The following RIMS1 variants were observed in gnomAD, a reference collection of about 807,000 sequenced individuals.
RIMS1 encodes regulating synaptic membrane exocytosis 1, also known as regulating synaptic membrane exocytosis protein 1.
Under a neutral mutation model 214.1 loss-of-function variants are expected in RIMS1, and 83 were observed. That is an observed-to-expected ratio of 0.39 (90% CI 0.32 to 0.47). The LOEUF is 0.47. Ranked by LOEUF, RIMS1 falls within the 20% of genes least tolerant of loss-of-function variation. RIMS1 has a pLI of 0.99. For missense variants in RIMS1, 2,050 were observed against 2,161.8 expected, an observed-to-expected ratio of 0.95 and a Z score of 1.03; for synonymous variants, 793 against 786.8, an observed-to-expected ratio of 1.01 and a Z score of -0.13.
chr6:71,937,359 C>G (rs762096470), intron 1 of RIMS1, among the ~76,000 whole-genome samples: 7 of 152,138 alleles, frequency 4.6e-5, no homozygotes, highest in Non-Finnish European at 8.8e-5. Context: ...CTCCCAGGCT[C>G]AAGCGATTCT....
At chr6:72,310,563 T>C (rs2095459723) in intron 27 of RIMS1, among the ~76,000 whole-genome samples, 2 of 152,082 alleles carry the variant, frequency 1.3e-5, no homozygotes, top group South Asian at 4.1e-4. Flanking sequence ...TGATGGGTTT[T>C]GTAGGTAGCT....
In RIMS1 at chr6:72,248,127, T is replaced by C. The variant is rs760492397; in HGVS notation, c.2241T>C (p.Ser747=). ...DAPQVLPGQL[S]VKLWYDKVGH... ...CACAAGTCTTACCAGGGCAACTTTCTGTATGTATTTTTTGTACATGTTGGA... is the reference window on the plus strand; with the variant it reads ...CACAAGTCTTACCAGGGCAACTTTCCGTATGTATTTTTTGTACATGTTGGA... The change falls in exon 12 of 34, where the codon TCT becomes TCC. Residue 747 remains serine, a splice_region_variant and synonymous_variant. Coordinates refer to ENST00000521978, the MANE Select transcript of RIMS1 (RefSeq NM_014989.7). The C allele has an allele frequency of 1.4e-5, 23 of 1,594,902 alleles. No individual in the cohort carries two copies. The Middle Eastern group carries it at 9.9e-4, about 69-fold the overall frequency.
chr6:72,000,102 A>C (rs1804682589), intron 2 of RIMS1, among the ~76,000 whole-genome samples: 1 of 152,094 alleles, frequency 6.6e-6, no homozygotes, highest in Non-Finnish European at 1.5e-5. Context: ...ATGAGGGAAA[A>C]AAAACAGTGT....
At chr6:72,016,352 T>C (rs1411297047) in intron 2 of RIMS1, among the ~76,000 whole-genome samples, 1 of 152,194 alleles carries the variant, frequency 6.6e-6, no homozygotes, top group Non-Finnish European at 1.5e-5. Flanking sequence ...ATTGTCTTCC[T>C]TCCATTTGCT....
intron 1 of RIMS1, among the ~76,000 whole-genome samples, chr6:71,948,769 A>C (rs1788605721): frequency 6.6e-6 from 1 of 152,192 alleles, no homozygotes; most frequent in African/African-American, 2.4e-5. Context: ...CTAGAGGAGA[A>C]GGCAGGAAAG....
chr6:72,380,251 G>A (rs932361418), intron 29 of RIMS1, among the ~76,000 whole-genome samples: 1 of 152,172 alleles, frequency 6.6e-6, no homozygotes, highest in African/African-American at 2.4e-5. Flanking sequence ...TTGTCGTGGG[G>A]TGGAAGGATG....
chr6:71,921,548 C>T (rs1347265356), intron 1 of RIMS1, among the ~76,000 whole-genome samples: 1 of 152,202 alleles, frequency 6.6e-6, no homozygotes, highest in Non-Finnish European at 1.5e-5. Context: ...TTGATTTGGC[C>T]TCTTGCACAA....
intron 1 of RIMS1, among the ~76,000 whole-genome samples, chr6:71,892,011 G>A (rs1770045226): frequency 6.6e-6 from 1 of 152,248 alleles, no homozygotes; most frequent in Middle Eastern, 3.4e-3. Context: ...GTCCTCATGG[G>A]CTGTTTTCTA....
chr6:72,214,336 G>A (rs546130132), intron 6 of RIMS1, among the ~76,000 whole-genome samples: 1 of 151,970 alleles, frequency 6.6e-6, no homozygotes, highest in African/African-American at 2.4e-5. Context: ...TCCAAACAGG[G>A]TTTGGTAAAA....
chr6:72,184,760 T>TG (rs35207389), intron 6 of RIMS1, among the ~76,000 whole-genome samples: 71,195 of 140,610 alleles, frequency 0.51, 17,939 homozygotes, highest in East Asian at 0.82. Flanking sequence ...TGCTTTATTC[T>TG]GGGAAAAAAA....
rs541455066 is a variant in RIMS1, at chr6:72,325,411, A to G, written c.4131-8189A>G. 1.3e-4 allele frequency among the ~76,000 whole-genome samples: 19 copies of G among 151,464 alleles called. No individual in the cohort carries two copies. In the East Asian group the frequency reaches 3.7e-3, roughly 29 times the overall value. ...GCTTAAAAACAATTACAGTCCATTTACATATATTCAATCCACTAAAAGAAC... is the reference window on the plus strand; with the variant it reads ...GCTTAAAAACAATTACAGTCCATTTGCATATATTCAATCCACTAAAAGAAC... On this transcript the variant is annotated intron_variant, in intron 28 of 33. Coordinates refer to ENST00000521978, the MANE Select transcript of RIMS1 (RefSeq NM_014989.7).
At chr6:71,982,638 G>A (rs542543382) in intron 2 of RIMS1, among the ~76,000 whole-genome samples, 2 of 152,218 alleles carry the variant, frequency 1.3e-5, no homozygotes, top group South Asian at 4.1e-4. Flanking sequence ...CTCCCTAAGT[G>A]TAATCAGTCA....
At chr6:72,246,617 A>G (rs942704096) in intron 11 of RIMS1, among the ~76,000 whole-genome samples, 1 of 152,160 alleles carries the variant, frequency 6.6e-6, no homozygotes, top group Admixed American at 6.6e-5. Flanking sequence ...TAGAAGGGAG[A>G]AGAAAATATG....
intron 2 of RIMS1, among the ~76,000 whole-genome samples, chr6:72,076,243 T>C (rs915870454): frequency 6.6e-6 from 1 of 152,238 alleles, no homozygotes; most frequent in African/African-American, 2.4e-5. Context: ...ATTTTACCGA[T>C]GAGGAAACTC....
intron 28 of RIMS1, among the ~76,000 whole-genome samples, chr6:72,322,096 A>G (rs1227100437): frequency 2.0e-5 from 3 of 152,196 alleles, no homozygotes; most frequent in Non-Finnish European, 1.5e-5. Context: ...TGCCAAAAAT[A>G]GTTGCTTACT....
intron 2 of RIMS1, among the ~76,000 whole-genome samples, chr6:71,974,857 G>T (rs1257733626): frequency 6.6e-6 from 1 of 152,074 alleles, no homozygotes; most frequent in Non-Finnish European, 1.5e-5. Context: ...ACTTAGAAAA[G>T]ATACATTAAT....
intron 29 of RIMS1, among the ~76,000 whole-genome samples, chr6:72,374,444 C>A (rs2098317044): frequency 6.6e-6 from 1 of 152,216 alleles, no homozygotes; most frequent in African/African-American, 2.4e-5. Context: ...TCTTCCCAGT[C>A]ATGGAATGAT....
chr6:72,150,692 A>G (rs1384677794), intron 4 of RIMS1, among the ~76,000 whole-genome samples: 1 of 152,224 alleles, frequency 6.6e-6, no homozygotes, highest in African/African-American at 2.4e-5. Flanking sequence ...TGAATATGCA[A>G]TAGTAATTGC....
At chr6:71,935,079 G>T (rs1478487459) in intron 1 of RIMS1, among the ~76,000 whole-genome samples, 1 of 152,170 alleles carries the variant, frequency 6.6e-6, no homozygotes, top group Non-Finnish European at 1.5e-5. Context: ...TATACAGAGA[G>T]AAAGCATCAT....
Sources: gnomAD v4.1 joint callset for allele counts (sites outside exome capture counted in the v4.1 genomes callset) on GRCh38, gnomAD v4.1.1 for gene constraint, MANE v1.5 for transcripts, NCBI Gene and HGNC (gene_info 2026-07-23, HGNC 2026-07-21) for gene names.